CRHBP: variants seen among roughly 807,000 people sequenced by gnomAD.
CRHBP encodes corticotropin-releasing hormone-binding protein.
In CRHBP, 19 loss-of-function variants were observed where a neutral mutation model predicts 34.9. The ratio of observed to expected loss-of-function variants is 0.55; its 90% confidence interval spans 0.38 to 0.80. The LOEUF (loss-of-function observed/expected upper bound fraction) is 0.80. CRHBP is among the 30% of genes least tolerant of loss of function. CRHBP has a pLI of 0.00. For missense variants in CRHBP, 328 were observed against 409.2 expected, an observed-to-expected ratio of 0.80 and a Z score of 1.71; for synonymous variants, 154 against 153.4, an observed-to-expected ratio of 1.00 and a Z score of -0.03.
intron 4 of CRHBP, among the ~76,000 whole-genome samples, chr5:76,956,579 C>CA (rs1321529015): frequency 6.6e-6 from 1 of 152,114 alleles, no homozygotes; most frequent in Non-Finnish European, 1.5e-5. Context: ...ACTAAAAATG[C>CA]AAAAAATTAG....
intron 5 of CRHBP, among the ~76,000 whole-genome samples, chr5:76,961,359 C>G (rs1190737814): frequency 6.6e-6 from 1 of 152,094 alleles, no homozygotes; most frequent in Non-Finnish European, 1.5e-5. Context: ...CTGAGTCTGC[C>G]TTTTTGCCTG....
In CRHBP at chr5:76,958,684, TA is replaced by T; in HGVS notation, c.545-52del. On this transcript the variant is annotated intron_variant, in intron 4 of 6. Coordinates refer to ENST00000274368, the MANE Select transcript of CRHBP (RefSeq NM_001882.4). ...TAGAATAAGATACAATAAATGTCTA[TA>T]AAAACCTAGCAAACCAAGTAAAGGA... 21 of 1,559,846 alleles carry T rather than the reference TA, an allele frequency of 1.3e-5. 1 individual carries two copies. In the South Asian group the frequency reaches 2.6e-4, roughly 19 times the overall value.
At chr5:76,968,451 A>G (rs1745895412) in intron 6 of CRHBP, among the ~76,000 whole-genome samples, 1 of 152,130 alleles carries the variant, frequency 6.6e-6, no homozygotes, top group Non-Finnish European at 1.5e-5. Context: ...GGCCGAGGAG[A>G]CATCTTCTTG....
At chr5:76,953,531 C>A (rs1251696666) in intron 1 of CRHBP, 70 bp from the exon 2 acceptor site, 1 of 1,433,656 alleles carries the variant, frequency 7.0e-7, no homozygotes, top group Non-Finnish European at 9.6e-7. Context: ...AGGGAGGGTG[C>A]CCCGCTCCTG....
chr5:76,963,190 CTT>C (rs1174273421), intron 5 of CRHBP, 151 bp from the exon 6 acceptor site: 5 of 587,812 alleles, frequency 8.5e-6, no homozygotes, highest in African/African-American at 7.5e-5. Context: ...TTTTAAATGT[CTT>C]TTAATTTCCA....
intron 3 of CRHBP, among the ~76,000 whole-genome samples, chr5:76,976,759 A>C (rs193187643): frequency 1.1e-4 from 16 of 152,340 alleles, no homozygotes; most frequent in Admixed American, 1.0e-3. Flanking sequence ...AAATGCTTCT[A>C]AAATGTTTTC....
chr5:76,968,627 G>A (rs569036344), intron 6 of CRHBP, 101 bp from the exon 7 acceptor site: 8 of 1,212,006 alleles, frequency 6.6e-6, no homozygotes, highest in African/African-American at 1.5e-5. Context: ...AGGAAGATAG[G>A]TCTCCTTGCT....
intron 5 of CRHBP, chr5:76,963,101 G>GA (rs1485589885): frequency 4.1e-5 from 17 of 411,152 alleles, no homozygotes; most frequent in African/African-American, 2.9e-4. Context: ...TAAAAAAAAT[G>GA]AAAAAAACAT....
chr5:76,956,445 C>G (rs1745669573), intron 4 of CRHBP, among the ~76,000 whole-genome samples: 1 of 152,198 alleles, frequency 6.6e-6, no homozygotes, highest in Non-Finnish European at 1.5e-5. Context: ...TATTATCTTA[C>G]TAAAAATATT....
rs1264827687 is a variant in CRHBP, at chr5:76,953,205, G to A, written c.71G>A (p.Arg24Gln). The A allele has an allele frequency of 1.2e-6, 2 of 1,614,048 alleles. No homozygotes were observed. The highest frequency in any genetic ancestry group is 8.5e-7 in the Non-Finnish European group (1 of 1,179,922). ...IFLTALRGES[R>Q]YLELREAADY... Reference sequence around the variant, plus strand: ...CTGACGGCTCTAAGAGGGGAAAGCCGGTACCTAGAGGTGAGCCACCCCTGG... The same window carrying A: ...CTGACGGCTCTAAGAGGGGAAAGCCAGTACCTAGAGGTGAGCCACCCCTGG... Residue 24 changes from arginine to glutamine, a missense_variant, in exon 1 of 7, where the codon CGG becomes CAG. Physicochemically the swap from Arg to Gln is conservative, Grantham distance 43. Transcript: ENST00000274368.
At position 76,954,089 on chromosome 5, in the gene CRHBP, T is replaced by C. The variant is rs1011261576; in HGVS notation, c.236T>C (p.Leu79Pro). ...QFTFTADRPQ[L>P]HCAAFFISEP... Reference sequence around the variant, plus strand: ...ACCTTCACCGCCGACCGGCCGCAGCTGCACTGCGCAGCCTTCTTCATCAGC... The same window carrying C: ...ACCTTCACCGCCGACCGGCCGCAGCCGCACTGCGCAGCCTTCTTCATCAGC... Residue 79 changes from leucine to proline, a missense_variant, in exon 3 of 7, where the codon CTG becomes CCG. By Grantham distance (98) the Leu-to-Pro change is moderately conservative. Transcript: ENST00000274368. 8.7e-6 allele frequency: 14 copies of C among 1,613,848 alleles called. No individual in the cohort carries two copies. The highest frequency in any genetic ancestry group is 2.2e-5 in the South Asian group (2 of 91,086).
chr5:76,968,635 G>T, intron 6 of CRHBP, 93 bp from the exon 7 acceptor site: 1 of 1,331,550 alleles, frequency 7.5e-7, no homozygotes, highest in African/African-American at 1.5e-5. Context: ...AGGTCTCCTT[G>T]CTTTCATTAT....
rs1218859577 is a variant in CRHBP at position 76,955,772 on chromosome 5, A to G, written c.453A>G (p.Arg151=). Residue 151 remains arginine, a synonymous_variant, in exon 4 of 7, where the codon AGA becomes AGG. Coordinates refer to ENST00000274368, the MANE Select transcript of CRHBP (RefSeq NM_001882.4). ...CESGLSRRSI[R]SSQNVAMIFF... ...GTGGTCTTAGCAGGAGGAGCATCAG[A>G]TCTTCCCAGAATGTGGCCATGATCT... 6.2e-7 allele frequency: 1 copy of G among 1,614,206 alleles called. No individual in the cohort carries two copies. Among genetic ancestry groups the G allele is most frequent in the Non-Finnish European group, 8.5e-7 (1 of 1,180,040 alleles).
At chr5:76,961,054 A>G (rs560908139) in intron 5 of CRHBP, among the ~76,000 whole-genome samples, 1 of 152,320 alleles carries the variant, frequency 6.6e-6, no homozygotes, top group East Asian at 1.9e-4. Context: ...AACATGAGCC[A>G]CTGCTCCTGG....
At chr5:76,962,589 G>A (rs1745796086) in intron 5 of CRHBP, among the ~76,000 whole-genome samples, 2 of 151,038 alleles carry the variant, frequency 1.3e-5, no homozygotes, top group East Asian at 1.9e-4. Flanking sequence ...GACCGGCCTG[G>A]GCAACATATC....
chr5:76,958,915 C>G (rs370676315), intron 5 of CRHBP, 26 bp downstream of exon 5: 1 of 1,610,312 alleles, frequency 6.2e-7, no homozygotes, highest in Non-Finnish European at 8.5e-7. Context: ...GTTTCCTAAC[C>G]GTTTGATAAG....
intron 6 of CRHBP, among the ~76,000 whole-genome samples, chr5:76,968,168 A>T (rs10055255): frequency 0.5 from 74,854 of 151,152 alleles, 20,364 homozygotes; most frequent in African/African-American, 0.73. Context: ...CAGTTTTTGT[A>T]TAAATTCAGA....
intron 4 of CRHBP, among the ~76,000 whole-genome samples, chr5:76,957,636 G>A (rs7737979): frequency 6.6e-5 from 10 of 152,002 alleles, no homozygotes; most frequent in Admixed American, 4.6e-4. Flanking sequence ...CACCCGCCTC[G>A]GCCTCCCAAA....
chr5:76,963,790 C>G (rs539467280), intron 6 of CRHBP, among the ~76,000 whole-genome samples: 1 of 151,908 alleles, frequency 6.6e-6, no homozygotes, highest in Non-Finnish European at 1.5e-5. Flanking sequence ...AACTGAAACA[C>G]TTATGGTTCA....
Sources: gnomAD v4.1 joint callset for allele counts (sites outside exome capture counted in the v4.1 genomes callset) on GRCh38, gnomAD v4.1.1 for gene constraint, MANE v1.5 for transcripts, NCBI Gene and HGNC (gene_info 2026-07-23, HGNC 2026-07-21) for gene names.